Variants in WWOX observed in about 807,000 individuals in gnomAD.
WWOX encodes WW domain-containing oxidoreductase.
A neutral mutation model predicts 46.2 loss-of-function variants in WWOX; 69 were observed. The ratio of observed to expected loss-of-function variants is 1.49; its 90% CI spans 1.23 to 1.82. The LOEUF is 1.82. Ranked by LOEUF, WWOX falls within the 40% of genes most tolerant of loss-of-function variation. WWOX has a pLI of 0.00. For missense variants in WWOX, 919 were observed against 542.6 expected (o/e 1.69, Z -6.89); for synonymous variants, 359 against 202.6 (o/e 1.77, Z -6.56).
intron 5 of WWOX, among the ~76,000 whole-genome samples, chr16:78,199,454 G>C (rs1199754810): frequency 6.6e-6 from 1 of 152,132 alleles, no homozygotes; most frequent in African/African-American, 2.4e-5. Flanking sequence ...TCTAACCCAA[G>C]GGTCAACTAA....
intron 8 of WWOX, among the ~76,000 whole-genome samples, chr16:79,036,503 C>G (rs1161127265): frequency 6.6e-6 from 1 of 152,204 alleles, no homozygotes; most frequent in Non-Finnish European, 1.5e-5. Flanking sequence ...CAGCTTCCTC[C>G]GAGCAGCTCC....
chr16:78,229,136 C>G (rs901460607), intron 5 of WWOX, among the ~76,000 whole-genome samples: 5 of 152,016 alleles, frequency 3.3e-5, no homozygotes, highest in African/African-American at 1.2e-4. Flanking sequence ...CTAACCTCTC[C>G]CATTGGTTGA....
At chr16:78,976,703 A>G (rs2046579169) in intron 8 of WWOX, among the ~76,000 whole-genome samples, 1 of 152,198 alleles carries the variant, frequency 6.6e-6, no homozygotes, top group African/African-American at 2.4e-5. Context: ...CCTGAGACCC[A>G]CCAGGAGCTC....
intron 8 of WWOX, among the ~76,000 whole-genome samples, chr16:79,096,690 T>G (rs1361458040): frequency 6.6e-6 from 1 of 152,230 alleles, no homozygotes; most frequent in Non-Finnish European, 1.5e-5. Context: ...CTTACCCATT[T>G]TGCTTTCTCC....
chr16:78,934,664 C>A (rs1232120899), intron 8 of WWOX, among the ~76,000 whole-genome samples: 2 of 152,142 alleles, frequency 1.3e-5, no homozygotes, highest in Admixed American at 6.6e-5. Flanking sequence ...TGTGGAGGAT[C>A]TTCAGGATCT....
chr16:79,137,636 T>G (rs2050008209), intron 8 of WWOX, among the ~76,000 whole-genome samples: 1 of 152,238 alleles, frequency 6.6e-6, no homozygotes, highest in East Asian at 1.9e-4. Flanking sequence ...GGAAAAAAAG[T>G]GTCAATGTGT....
intron 8 of WWOX, among the ~76,000 whole-genome samples, chr16:78,441,700 A>G (rs2083448138): frequency 6.6e-6 from 1 of 152,178 alleles, no homozygotes; most frequent in African/African-American, 2.4e-5. Context: ...ATTCATGCAT[A>G]AAACTGAGAT....
chr16:78,153,468 C>G (rs2034488161), intron 4 of WWOX, among the ~76,000 whole-genome samples: 2 of 152,176 alleles, frequency 1.3e-5, no homozygotes, highest in East Asian at 1.9e-4. Context: ...AAATCTAACC[C>G]AAGCTGAAAG....
intron 8 of WWOX, among the ~76,000 whole-genome samples, chr16:78,455,777 G>T (rs7197248): frequency 2.7e-5 from 4 of 150,904 alleles, no homozygotes; most frequent in Admixed American, 6.6e-5. Context: ...AATGATGCCT[G>T]GGGGAGGTGA....
At chr16:78,983,635 C>CA (rs1462737293) in intron 8 of WWOX, among the ~76,000 whole-genome samples, 1 of 152,116 alleles carries the variant, frequency 6.6e-6, no homozygotes, top group East Asian at 1.9e-4. Flanking sequence ...TAGATTTGGC[C>CA]TTGTGACTTC....
chr16:78,777,215 C>G (rs550866268), intron 8 of WWOX, among the ~76,000 whole-genome samples: 4 of 151,740 alleles, frequency 2.6e-5, no homozygotes, highest in African/African-American at 9.7e-5. Context: ...TTTTTTTTCC[C>G]ATCTCTTCCT....
chr16:78,405,292 T>C (rs2082502145), intron 6 of WWOX, among the ~76,000 whole-genome samples: 1 of 152,178 alleles, frequency 6.6e-6, no homozygotes, highest in South Asian at 2.1e-4. Context: ...GTAACTGTTT[T>C]GGATTATTTT....
chr16:79,052,286 G>A (rs551066615), intron 8 of WWOX, among the ~76,000 whole-genome samples: 13 of 151,026 alleles, frequency 8.6e-5, no homozygotes, highest in South Asian at 6.3e-4. Flanking sequence ...GAGAATATGC[G>A]TTGTTTGGTG....
intron 8 of WWOX, among the ~76,000 whole-genome samples, chr16:79,138,345 C>G (rs1902432683): frequency 6.6e-6 from 1 of 152,204 alleles, no homozygotes; most frequent in African/African-American, 2.4e-5. Flanking sequence ...TTGGGAGTCC[C>G]TTAGTGACTC....
intron 5 of WWOX, among the ~76,000 whole-genome samples, chr16:78,216,882 C>G (rs1414641951): frequency 6.6e-6 from 1 of 152,092 alleles, no homozygotes. Context: ...CAGGCACATG[C>G]CACCATGCCA....
intron 8 of WWOX, among the ~76,000 whole-genome samples, chr16:78,619,080 G>A (rs924083413): frequency 1.5e-5 from 2 of 137,476 alleles, no homozygotes; most frequent in African/African-American, 2.8e-5. Context: ...AGGATCACTG[G>A]AGGTCGGGAA....
At chr16:78,821,025 T>G (rs1007031381) in intron 8 of WWOX, among the ~76,000 whole-genome samples, 1 of 152,220 alleles carries the variant, frequency 6.6e-6, no homozygotes, top group Admixed American at 6.5e-5. Context: ...ATTCCTTATC[T>G]TAATTACATT....
chr16:78,767,632 G>C (rs1245746337), intron 8 of WWOX, among the ~76,000 whole-genome samples: 4 of 152,064 alleles, frequency 2.6e-5, no homozygotes, highest in Admixed American at 2.0e-4. Flanking sequence ...TTAACCTTTT[G>C]AGAAACTGCC....
At chr16:78,607,618 G>A (rs942007349) in intron 8 of WWOX, among the ~76,000 whole-genome samples, 3 of 150,158 alleles carry the variant, frequency 2.0e-5, no homozygotes, top group Non-Finnish European at 4.4e-5. Flanking sequence ...TTCAGCTGGC[G>A]TAAGAGGAGT....
Sources: gnomAD v4.1 joint callset for allele counts (sites outside exome capture counted in the v4.1 genomes callset) on GRCh38, gnomAD v4.1.1 for gene constraint, MANE v1.5 for transcripts, NCBI Gene and HGNC (gene_info 2026-07-23, HGNC 2026-07-21) for gene names.